Variants in DLC1 observed in about 807,000 individuals in gnomAD.
DLC1 encodes rho GTPase-activating protein 7.
DLC1 carries 54 observed loss-of-function variants against 140.3 expected under a neutral mutation model. That is an observed-to-expected ratio of 0.38 (90% confidence interval 0.31 to 0.48). The LOEUF (loss-of-function observed/expected upper bound fraction) is 0.48, where lower values mean the gene tolerates loss of function less well. Among genes scored for constraint, DLC1 ranks in the 20% least tolerant of loss-of-function variants. The pLI is 0.96. For missense variants in DLC1, 2,536 were observed against 1,907.0 expected, an observed-to-expected ratio of 1.33 and a Z score of -6.14; for synonymous variants, 986 against 728.1, an observed-to-expected ratio of 1.35 and a Z score of -5.70.
chr8:13,318,522 C>T (rs2116892099), intron 4 of DLC1, among the ~76,000 whole-genome samples: 1 of 152,274 alleles, frequency 6.6e-6, no homozygotes, highest in South Asian at 2.1e-4. Context: ...TCTCTTCTAT[C>T]CAGCCTCTTT....
At chr8:13,364,424 G>C (rs1432987625) in intron 4 of DLC1, among the ~76,000 whole-genome samples, 1 of 151,838 alleles carries the variant, frequency 6.6e-6, no homozygotes, top group Non-Finnish European at 1.5e-5. Flanking sequence ...TCAGCCTCCT[G>C]AGTAGCTGAG....
At chr8:13,295,700 T>C (rs776969480) in intron 5 of DLC1, among the ~76,000 whole-genome samples, 1 of 152,202 alleles carries the variant, frequency 6.6e-6, no homozygotes, top group Non-Finnish European at 1.5e-5. Context: ...AGTATAGTCA[T>C]GCCAGCAGAA....
intron 4 of DLC1, among the ~76,000 whole-genome samples, chr8:13,323,713 C>G (rs1486607617): frequency 6.6e-6 from 1 of 152,108 alleles, no homozygotes; most frequent in Non-Finnish European, 1.5e-5. Context: ...TTTATATATA[C>G]ATAGAGATAA....
intron 2 of DLC1, among the ~76,000 whole-genome samples, chr8:13,493,568 G>A (rs1384517442): frequency 2.0e-5 from 3 of 152,086 alleles, no homozygotes; most frequent in Admixed American, 6.5e-5. Flanking sequence ...TGCTGAGAAC[G>A]TTCAATATCC....
At chr8:13,338,537 C>G (rs2116972507) in intron 4 of DLC1, 1 of 152,270 alleles carries the variant, frequency 6.6e-6, no homozygotes, top group African/African-American at 2.4e-5. Context: ...ACCAATTAAG[C>G]AAATAAATAT....
At chr8:13,576,804 A>C (rs1804853505) in intron 1 of DLC1, among the ~76,000 whole-genome samples, 2 of 152,172 alleles carry the variant, frequency 1.3e-5, no homozygotes, top group South Asian at 4.1e-4. Flanking sequence ...GGCTGCAAGG[A>C]CTGTGTGCAA....
chr8:13,371,249 C>T (rs938206055), intron 4 of DLC1, among the ~76,000 whole-genome samples: 3 of 152,100 alleles, frequency 2.0e-5, no homozygotes, highest in South Asian at 2.1e-4. Flanking sequence ...TCAGTTTCGG[C>T]GTCATCATTT....
intron 2 of DLC1, among the ~76,000 whole-genome samples, chr8:13,432,242 A>T (rs1838912962): frequency 6.6e-6 from 1 of 152,218 alleles, no homozygotes; most frequent in East Asian, 1.9e-4. Context: ...ACTTCAGAAC[A>T]GATATTTATT....
At chr8:13,435,468 C>G (rs1354963524) in intron 2 of DLC1, among the ~76,000 whole-genome samples, 1 of 152,158 alleles carries the variant, frequency 6.6e-6, no homozygotes, top group East Asian at 1.9e-4. Context: ...CATGCGCCTC[C>G]ACACCTGACT....
chr8:13,458,555 G>C (rs1379475094), intron 2 of DLC1, among the ~76,000 whole-genome samples: 1 of 152,042 alleles, frequency 6.6e-6, no homozygotes, highest in Non-Finnish European at 1.5e-5. Flanking sequence ...ATAATACTTT[G>C]CTCTCTGTTA....
chr8:13,429,724 A>G (rs1175808589), intron 2 of DLC1, among the ~76,000 whole-genome samples: 7 of 152,206 alleles, frequency 4.6e-5, no homozygotes, highest in Non-Finnish European at 1.0e-4. Context: ...CTATTTGGAT[A>G]GAATCTCTAG....
At chr8:13,185,222 T>G (rs1201070583) in intron 5 of DLC1, among the ~76,000 whole-genome samples, 1 of 150,456 alleles carries the variant, frequency 6.6e-6, no homozygotes, top group Non-Finnish European at 1.5e-5. Flanking sequence ...ATGGGTCTCC[T>G]GAATATAGTA....
chr8:13,345,368 G>T (rs1254644608), intron 4 of DLC1, among the ~76,000 whole-genome samples: 1 of 151,930 alleles, frequency 6.6e-6, no homozygotes, highest in Non-Finnish European at 1.5e-5. Flanking sequence ...CCATTGCAGT[G>T]AGCGTAAAGA....
Position 13,297,282 on chromosome 8 carries a change from T to TAAAAAAAAAA in DLC1, c.1348+7977_1348+7986dup, listed in dbSNP as rs60048506. 5.3e-3 allele frequency among the ~76,000 whole-genome samples: 51 copies of TAAAAAAAAAA among 9,636 alleles called. 16 individuals carry two copies. The highest frequency in any genetic ancestry group is 8.5e-3 in the South Asian group (1 of 118). The allele number at this position is 9,636 out of a possible 152,430, so 6.3% of individuals were successfully genotyped here. On this transcript the variant is annotated intron_variant, in intron 5 of 17. Coordinates refer to ENST00000276297, the MANE Select transcript of DLC1 (RefSeq NM_182643.3). ...CAGGCAAGCAGAGGCCTTCATACATTAAAAAAAAAAAAAACTGAAGCAAGT... is the reference window on the plus strand; with the variant it reads ...CAGGCAAGCAGAGGCCTTCATACATTAAAAAAAAAAAAAAAAAAAAAAAACTGAAGCAAGT...
chr8:13,230,695 C>G (rs956024739), intron 5 of DLC1, among the ~76,000 whole-genome samples: 2 of 149,612 alleles, frequency 1.3e-5, no homozygotes, highest in Non-Finnish European at 3.0e-5. Context: ...CTCCCAGGTT[C>G]AAGCAATTCT....
chr8:13,465,866 T>C (rs1189545171), intron 2 of DLC1, among the ~76,000 whole-genome samples: 1 of 152,190 alleles, frequency 6.6e-6, no homozygotes, highest in African/African-American at 2.4e-5. Context: ...CTGGTTCTCA[T>C]ACCAGAACCA....
In DLC1 at chr8:13,086,390, C is replaced by A; in HGVS notation, c.4366G>T (p.Val1456Leu). 2 of 1,614,258 alleles carry A rather than the reference C, an allele frequency of 1.2e-6. No homozygotes were observed. Among genetic ancestry groups the A allele is most frequent in the Non-Finnish European group, 1.7e-6 (2 of 1,180,048 alleles). ...LTSVDHDRAP[V>L]VGVRVNVLLS... ...AGCACATTAACCCTCACACCCACCA[C>A]AGGTGCGCGATCGTGATCCACAGAG... Residue 1456 changes from valine to leucine, a missense_variant, in exon 17 of 18, where the codon GTG becomes TTG. Transcript: ENST00000276297.
intron 1 of DLC1, among the ~76,000 whole-genome samples, chr8:13,590,339 T>G (rs1346980748): frequency 6.6e-6 from 1 of 151,992 alleles, no homozygotes; most frequent in African/African-American, 2.4e-5. Context: ...ATATATCACC[T>G]AGGTTTCACC....
At chr8:13,362,497 C>T (rs1001154572) in intron 4 of DLC1, among the ~76,000 whole-genome samples, 8 of 151,988 alleles carry the variant, frequency 5.3e-5, no homozygotes, top group Non-Finnish European at 1.2e-4. Flanking sequence ...ACTCTTATGT[C>T]GGTTAACCTT....
Sources: allele counts gnomAD v4.1 joint callset (sites outside exome capture counted in the v4.1 genomes callset), GRCh38; gene constraint gnomAD v4.1.1; transcripts MANE v1.5; gene names NCBI Gene and HGNC (gene_info 2026-07-23, HGNC 2026-07-21).